Variants in ULK4 observed in about 807,000 individuals in gnomAD.
ULK4 encodes the protein unc-51 like kinase 4.
A neutral mutation model predicts 160.6 loss-of-function variants in ULK4; 133 were observed. That is an observed-to-expected ratio of 0.83 (90% CI 0.72 to 0.96). The LOEUF is 0.96. Ranked by LOEUF, ULK4 falls within the 40% of genes least tolerant of loss-of-function variation. The probability of loss-of-function intolerance (pLI) is 0.00; values close to 1 mark genes in which losing one functional copy is unlikely to be tolerated. For synonymous variants in ULK4, 534 were observed against 539.8 expected (o/e 0.99, Z 0.15); for missense variants, 1,580 against 1,499.5 (o/e 1.05, Z -0.89).
At chr3:41,557,902 C>T (rs888763499) in intron 32 of ULK4, among the ~76,000 whole-genome samples, 4 of 151,860 alleles carry the variant, frequency 2.6e-5, no homozygotes. Context: ...ATGCATAAGA[C>T]CTATATAAAG....
chr3:41,810,044 A>T (rs2040771771), intron 19 of ULK4, among the ~76,000 whole-genome samples: 1 of 152,218 alleles, frequency 6.6e-6, no homozygotes, highest in South Asian at 2.1e-4. Flanking sequence ...TTTATTACTT[A>T]ACTTAGCTCT....
intron 30 of ULK4, among the ~76,000 whole-genome samples, chr3:41,647,477 G>A (rs937752479): frequency 3.3e-5 from 5 of 152,220 alleles, no homozygotes; most frequent in African/African-American, 1.2e-4. Context: ...CTGTTTGCCT[G>A]GGTATCAGCA....
intron 35 of ULK4, among the ~76,000 whole-genome samples, chr3:41,346,055 C>T (rs556363653): frequency 3.3e-5 from 5 of 152,018 alleles, no homozygotes; most frequent in East Asian, 3.9e-4. Context: ...GGACAGGATG[C>T]GTGAGAGGCA....
At chr3:41,453,328 AC>A (rs2083465428) in intron 34 of ULK4, among the ~76,000 whole-genome samples, 1 of 152,070 alleles carries the variant, frequency 6.6e-6, no homozygotes, top group South Asian at 2.1e-4. Flanking sequence ...GGTGTGCACC[AC>A]CACACCTGGC....
chr3:41,293,968 T>C (rs2079621017), intron 35 of ULK4, among the ~76,000 whole-genome samples: 1 of 152,136 alleles, frequency 6.6e-6, no homozygotes, highest in Non-Finnish European at 1.5e-5. Flanking sequence ...AACCAACATA[T>C]GAAGGTGTGG....
chr3:41,927,962 C>A lies in ULK4; in HGVS notation c.541+3882G>T, dbSNP rs568696793. On this transcript the variant is annotated intron_variant, in intron 5 of 36. Coordinates refer to ENST00000301831, the MANE Select transcript of ULK4 (RefSeq NM_017886.4). ...GACAGATCAATGAGACAGAAAATTA[C>A]AAGGATATTCAGACCTGAACTCAGC... Among the ~76,000 whole-genome samples the A allele has an allele frequency of 2.0e-5, 3 of 152,180 alleles. No individual in the cohort carries two copies. The East Asian group carries it at 5.8e-4, about 29-fold the overall frequency.
chr3:41,871,294 T>G (rs1169005150), intron 17 of ULK4, among the ~76,000 whole-genome samples: 1 of 152,238 alleles, frequency 6.6e-6, no homozygotes, highest in Admixed American at 6.5e-5. Context: ...AGTTCATTTC[T>G]CTTACTAAGT....
intron 34 of ULK4, among the ~76,000 whole-genome samples, chr3:41,438,108 T>TA (rs11457444): frequency 0.25 from 30,802 of 122,794 alleles, 3,873 homozygotes; most frequent in East Asian, 0.52. Flanking sequence ...TGTTTATTGT[T>TA]AAAAAAAAAA....
chr3:41,851,382 T>A (rs1487556934), intron 17 of ULK4, among the ~76,000 whole-genome samples: 2 of 152,202 alleles, frequency 1.3e-5, no homozygotes, highest in Non-Finnish European at 2.9e-5. Flanking sequence ...ATTACGTTGA[T>A]TGATTTGCGT....
At chr3:41,259,038 G>A (rs919690440) in intron 35 of ULK4, among the ~76,000 whole-genome samples, 78 of 145,748 alleles carry the variant, frequency 5.4e-4, no homozygotes, top group Non-Finnish European at 8.0e-4. Flanking sequence ...GTATATATAC[G>A]TATACACACA....
At position 41,638,124 on chromosome 3, in the gene ULK4, C is replaced by A. The variant is rs556376238; in HGVS notation, c.3072-22407G>T. Reference sequence around the variant, plus strand: ...AATTTAAAAGGCAAACAGTGGTGTACGAAAGTACATATTTCACTAGACTCT... The same window carrying A: ...AATTTAAAAGGCAAACAGTGGTGTAAGAAAGTACATATTTCACTAGACTCT... On this transcript the variant is annotated intron_variant, in intron 30 of 36. Transcript: ENST00000301831. 1.0e-3 allele frequency among the ~76,000 whole-genome samples: 159 copies of A among 152,058 alleles called. 1 individual carries two copies. The highest frequency in any genetic ancestry group is 3.7e-3 in the African/African-American group (153 of 41,496).
Position 41,431,547 on chromosome 3 carries a change from C to CATTTTTTTTTTTTTTTTT in ULK4, c.3492+23949_3492+23950insAAAAAAAAAAAAAAAAAT, listed in dbSNP as rs563543377. ...CCTGTGAGGTGTTGTAATTCCCTCCCTTTTTTTTTTTTTTTGATGTGGAAA... is the reference window on the plus strand; with the variant it reads ...CCTGTGAGGTGTTGTAATTCCCTCCCATTTTTTTTTTTTTTTTTTTTTTTTTTTTTTTTGATGTGGAAA... On this transcript the variant is annotated intron_variant, in intron 34 of 36. Coordinates refer to ENST00000301831, the MANE Select transcript of ULK4 (RefSeq NM_017886.4). Among the ~76,000 whole-genome samples, 102 of 95,864 alleles carry CATTTTTTTTTTTTTTTTT rather than the reference C, an allele frequency of 1.1e-3. 8 individuals carry two copies. Among genetic ancestry groups the CATTTTTTTTTTTTTTTTT allele is most frequent in the Middle Eastern group, 5.6e-3 (1 of 178 alleles). 62.9% of individuals were successfully genotyped at this position (95,864 alleles called of 152,430 possible).
chr3:41,642,066 G>T (rs1260488514), intron 30 of ULK4, among the ~76,000 whole-genome samples: 8 of 151,256 alleles, frequency 5.3e-5, no homozygotes, highest in African/African-American at 2.0e-4. Context: ...TAGAGACGAG[G>T]TTTCTTCATG....
chr3:41,347,077 A>G (rs925559651), intron 35 of ULK4, among the ~76,000 whole-genome samples: 2 of 152,194 alleles, frequency 1.3e-5, no homozygotes, highest in African/African-American at 2.4e-5. Flanking sequence ...TCAGGAAAAA[A>G]AAAACCCACA....
chr3:41,558,876 A>G (rs1049078846), intron 32 of ULK4, among the ~76,000 whole-genome samples: 4 of 151,400 alleles, frequency 2.6e-5, no homozygotes, highest in South Asian at 2.1e-4. Context: ...TATTTTATTT[A>G]TTTATTTATT....
intron 1 of ULK4, among the ~76,000 whole-genome samples, chr3:41,961,627 C>T (rs570869893): frequency 6.6e-6 from 1 of 151,270 alleles, no homozygotes; most frequent in African/African-American, 2.5e-5. Flanking sequence ...TCGCTACGTC[C>T]GTAGGCATCA....
chr3:41,948,281 T>A (rs1448884218), intron 2 of ULK4, among the ~76,000 whole-genome samples: 1 of 152,044 alleles, frequency 6.6e-6, no homozygotes, highest in Non-Finnish European at 1.5e-5. Flanking sequence ...TGAAACCCCA[T>A]CTCTACTAAA....
chr3:41,898,527 AT>A (rs1376673108), intron 13 of ULK4, 35 bp from the exon 14 acceptor site: 1 of 1,321,164 alleles, frequency 7.6e-7, no homozygotes, highest in Admixed American at 2.0e-5. Context: ...TTTTGAGACA[AT>A]TTTTAAGATG....
intron 35 of ULK4, among the ~76,000 whole-genome samples, chr3:41,391,918 G>A (rs1281918475): frequency 6.6e-6 from 1 of 152,012 alleles, no homozygotes; most frequent in Non-Finnish European, 1.5e-5. Context: ...AGGTGACAGG[G>A]AGTTAGTAAC....
Sources: allele counts gnomAD v4.1 joint callset (sites outside exome capture counted in the v4.1 genomes callset), GRCh38; gene constraint gnomAD v4.1.1; transcripts MANE v1.5; gene names NCBI Gene and HGNC (gene_info 2026-07-23, HGNC 2026-07-21).